P4HA1: variants seen among roughly 807,000 people sequenced by gnomAD.
P4HA1 encodes the protein prolyl 4-hydroxylase subunit alpha-1.
P4HA1 carries 24 observed loss-of-function variants against 72.8 expected under a neutral mutation model. The observed-to-expected ratio is 0.33, with a 90% confidence interval of 0.24 to 0.46. P4HA1 has a LOEUF of 0.46. Among genes scored for constraint, P4HA1 ranks in the 20% least tolerant of loss-of-function variants. The probability of loss-of-function intolerance (pLI) is 1.00; values close to 1 mark genes in which losing one functional copy is unlikely to be tolerated. For synonymous variants in P4HA1, 201 were observed against 218.8 expected, an observed-to-expected ratio of 0.92 and a Z score of 0.72; for missense variants, 446 against 640.6, an observed-to-expected ratio of 0.70 and a Z score of 3.28.
intron 9 of P4HA1, among the ~76,000 whole-genome samples, chr10:73,031,185 A>G (rs1482535150): frequency 6.6e-6 from 1 of 152,190 alleles, no homozygotes; most frequent in Non-Finnish European, 1.5e-5. Context: ...TTGTGTCACA[A>G]AAAGGAATAA....
At chr10:73,038,288 T>C (rs1207315368) in intron 9 of P4HA1, among the ~76,000 whole-genome samples, 1 of 151,968 alleles carries the variant, frequency 6.6e-6, no homozygotes, top group Non-Finnish European at 1.5e-5. Flanking sequence ...AATAAATAAA[T>C]AAATACACAC....
At chr10:73,078,102 A>C (rs1935945494) in intron 1 of P4HA1, among the ~76,000 whole-genome samples, 1 of 151,500 alleles carries the variant, frequency 6.6e-6, no homozygotes, top group Admixed American at 6.6e-5. Flanking sequence ...TAAAACTCAA[A>C]CTAGAAAACC....
At chr10:73,050,916 A>C (rs1841004402) in intron 7 of P4HA1, 137 bp downstream of exon 7, 1 of 739,704 alleles carries the variant, frequency 1.4e-6, no homozygotes, top group Non-Finnish European at 2.3e-6. Context: ...CTAAGCTGAC[A>C]TACTGTAATA....
At chr10:73,047,179 A>G in intron 7 of P4HA1, 78 bp from the exon 8 acceptor site, 2 of 1,023,356 alleles carry the variant, frequency 2.0e-6, no homozygotes, top group Non-Finnish European at 3.0e-6. Flanking sequence ...CAGATAAGAG[A>G]CAATAATCAT....
intron 12 of P4HA1, 108 bp from the exon 13 acceptor site, chr10:73,011,145 G>C (rs1839902914): frequency 2.5e-6 from 2 of 810,788 alleles, no homozygotes; most frequent in Admixed American, 4.8e-5. Flanking sequence ...ATATGGACTT[G>C]TTCTTATATA....
intron 9 of P4HA1, chr10:73,044,096 CA>C (rs929016213): frequency 4.4e-5 from 22 of 501,848 alleles, no homozygotes; most frequent in African/African-American, 4.1e-4. Context: ...CTCGAATCCA[CA>C]AAAACATTTA....
intron 14 of P4HA1, among the ~76,000 whole-genome samples, 175 bp from the exon 15 acceptor site, chr10:73,008,467 A>C (rs7071334): frequency 0.048 from 7,257 of 152,264 alleles, 607 homozygotes; most frequent in African/African-American, 0.17. Flanking sequence ...CACAGATTTT[A>C]TATACCTATA....
chr10:73,094,800 G>A lies in P4HA1; in HGVS notation c.-33+1966C>T, dbSNP rs1842124147. Among the ~76,000 whole-genome samples, 4 of 152,064 alleles carry A rather than the reference G, an allele frequency of 2.6e-5. No individual in the cohort carries two copies. In the South Asian group the frequency reaches 8.3e-4, roughly 32 times the overall value. The stretch of plus-strand genomic sequence containing the variant: ...CATCTGCAACAACCCAGACTACAAG[G>A]CAATATAAAACTTTTTTTCAATAGT... On this transcript the variant is annotated intron_variant, in intron 1 of 14. Coordinates refer to ENST00000394890, the MANE Select transcript of P4HA1 (RefSeq NM_001017962.3).
At chr10:73,064,634 A>G (rs1841380399) in intron 5 of P4HA1, among the ~76,000 whole-genome samples, 3 of 152,170 alleles carry the variant, frequency 2.0e-5, no homozygotes, top group Admixed American at 2.0e-4. Context: ...TGAGGTCAAG[A>G]GCTGAAAACC....
chr10:73,008,182 A>AT lies in P4HA1; in HGVS notation c.*39dup. The AT allele has an allele frequency of 8.0e-7, 1 of 1,242,928 alleles. No individual in the cohort carries two copies. Among genetic ancestry groups the AT allele is most frequent in the Non-Finnish European group, 1.2e-6 (1 of 844,180 alleles). 77.0% of individuals were successfully genotyped at this position (1,242,928 alleles called of 1,614,324 possible). The stretch of plus-strand genomic sequence containing the variant: ...ACTAGGAAATGTGTATATCAGACAC[A>AT]TAAGAGTACAACAATAGGAGAAAAA... On this transcript the variant is annotated 3_prime_UTR_variant, in exon 15 of 15. Coordinates refer to ENST00000394890, the MANE Select transcript of P4HA1 (RefSeq NM_001017962.3).
At chr10:73,068,339 G>A (rs945512620) in intron 5 of P4HA1, among the ~76,000 whole-genome samples, 4 of 152,018 alleles carry the variant, frequency 2.6e-5, no homozygotes, top group East Asian at 1.9e-4. Flanking sequence ...AGTGAGGGAC[G>A]GCAAAAGTAA....
chr10:73,034,639 G>A lies in P4HA1; in HGVS notation c.1149-4269C>T, dbSNP rs554936686. On this transcript the variant is annotated intron_variant, in intron 9 of 14. Transcript: ENST00000394890. Reference sequence around the variant, plus strand: ...CTCAACTCCAGTTGCCCAGGCTGGAGTGCAGTGATGCAATCTTGGCTCACT... The same window carrying A: ...CTCAACTCCAGTTGCCCAGGCTGGAATGCAGTGATGCAATCTTGGCTCACT... Among the ~76,000 whole-genome samples, 21 of 150,228 alleles carry A rather than the reference G, an allele frequency of 1.4e-4. No homozygotes were observed. In the South Asian group the frequency reaches 4.4e-3, roughly 32 times the overall value.
At chr10:73,080,570 C>T (rs1312137157) in intron 1 of P4HA1, among the ~76,000 whole-genome samples, 3 of 152,238 alleles carry the variant, frequency 2.0e-5, no homozygotes, top group African/African-American at 7.2e-5. Context: ...CATCCACATT[C>T]ATTCAGAAAC....
chr10:73,067,066 C>T (rs979413059), intron 5 of P4HA1, among the ~76,000 whole-genome samples: 1 of 152,092 alleles, frequency 6.6e-6, no homozygotes, highest in African/African-American at 2.4e-5. Context: ...CAGGGAATTG[C>T]TATGCTGCCC....
chr10:73,096,544 G>A (rs1842171243), intron 1 of P4HA1, among the ~76,000 whole-genome samples: 1 of 152,238 alleles, frequency 6.6e-6, no homozygotes, highest in African/African-American at 2.4e-5. Context: ...AGGGACAGAG[G>A]TGGGAAGGGG....
intron 6 of P4HA1, 63 bp from the exon 7 acceptor site, chr10:73,051,312 T>G: frequency 2.3e-6 from 2 of 859,890 alleles, no homozygotes; most frequent in South Asian, 1.7e-5. Flanking sequence ...CATCAGAATA[T>G]AGTAATATAA....
intron 6 of P4HA1, 58 bp from the exon 7 acceptor site, chr10:73,051,307 G>A (rs1446208570): frequency 5.7e-6 from 5 of 883,532 alleles, no homozygotes; most frequent in South Asian, 1.7e-5. Flanking sequence ...TCAAGCATCA[G>A]AATATAGTAA....
rs1402048038 is a variant in P4HA1, at chr10:73,011,044, G to A, written c.1369-7C>T. 3 of 1,608,758 alleles carry A rather than the reference G, an allele frequency of 1.9e-6. No individual in the cohort carries two copies. Among genetic ancestry groups the A allele is most frequent in the Non-Finnish European group, 2.6e-6 (3 of 1,176,172 alleles). ...CTGCAGACACATCACTCATCTATAA[G>A]AAACAAGAGGGTGTTATCAAAAGTG... On this transcript the variant is annotated splice_polypyrimidine_tract_variant and splice_region_variant and intron_variant, in intron 12 of 14. Coordinates refer to ENST00000394890, the MANE Select transcript of P4HA1 (RefSeq NM_001017962.3).
intron 6 of P4HA1, 133 bp from the exon 7 acceptor site, chr10:73,051,382 C>A: frequency 1.7e-6 from 1 of 573,282 alleles, no homozygotes; most frequent in Non-Finnish European, 3.0e-6. Flanking sequence ...TGAAAGGAGG[C>A]ACTAATAAAA....
Sources: allele counts gnomAD v4.1 joint callset (sites outside exome capture counted in the v4.1 genomes callset), GRCh38; gene constraint gnomAD v4.1.1; transcripts MANE v1.5; gene names NCBI Gene and HGNC (gene_info 2026-07-23, HGNC 2026-07-21).